The following DMD variants were observed in gnomAD, a reference collection of about 807,000 sequenced individuals.
DMD encodes mutant dystrophin.
Under a neutral mutation model 330.1 loss-of-function variants are expected in DMD, and 63 were observed. That is an observed-to-expected ratio of 0.19 (90% CI 0.16 to 0.24). The LOEUF (loss-of-function observed/expected upper bound fraction) is 0.24. Ranked by LOEUF, DMD falls within the 10% of genes least tolerant of loss-of-function variation. DMD has a pLI of 1.00. For synonymous variants in DMD, 1,223 were observed against 959.8 expected (o/e 1.27, Z -5.07); for missense variants, 3,344 against 2,684.1 (o/e 1.25, Z -5.43).
chrX:32,453,302 G>C (rs1025633463), intron 26 of DMD, among the ~76,000 whole-genome samples: 1 of 110,723 alleles, frequency 9.0e-6, no homozygotes, highest in Non-Finnish European at 1.9e-5. Context: ...AGTTTTAGTT[G>C]ATAAATATGC....
intron 44 of DMD, among the ~76,000 whole-genome samples, chrX:32,197,636 A>G (rs2097012461): frequency 8.9e-6 from 1 of 111,871 alleles, no homozygotes; most frequent in Non-Finnish European, 1.9e-5. Context: ...TTAACAGAAA[A>G]TATCTCATGG....
intron 44 of DMD, among the ~76,000 whole-genome samples, chrX:32,068,076 C>T (rs6527160): frequency 0.39 from 42,580 of 110,326 alleles, 7,088 homozygotes; most frequent in African/African-American, 0.65. Context: ...TATCTCCTTG[C>T]GGTTTTGATT....
chrX:31,358,404 G>A (rs778801269), intron 60 of DMD, among the ~76,000 whole-genome samples: 2 of 111,286 alleles, frequency 1.8e-5, no homozygotes, highest in African/African-American at 6.5e-5. Context: ...TTTCTTTCAC[G>A]AAAGCAAGAA....
chrX:31,585,184 A>G (rs5927022), intron 55 of DMD, among the ~76,000 whole-genome samples: 15,795 of 107,634 alleles, frequency 0.15, 916 homozygotes, highest in East Asian at 0.27. Context: ...TTAGCTGGAC[A>G]TGGTGGCACT....
chrX:31,352,223 T>C (rs1252481145), intron 60 of DMD, among the ~76,000 whole-genome samples: 3 of 106,818 alleles, frequency 2.8e-5, no homozygotes, highest in East Asian at 2.8e-4. Flanking sequence ...CATAAGATTA[T>C]AGAGAAAGGT....
chrX:33,268,907 CAAAAAAA>C (rs202219233), intron 1 of DMD, among the ~76,000 whole-genome samples: 552 of 43,321 alleles, frequency 0.013, 3 homozygotes, highest in East Asian at 0.025. Flanking sequence ...GCCTGGGTGA[CAAAAAAA>C]AAAAAAAAAA....
intron 61 of DMD, among the ~76,000 whole-genome samples, chrX:31,332,423 G>A (rs943776359): frequency 1.8e-5 from 2 of 111,834 alleles, no homozygotes; most frequent in African/African-American, 3.3e-5. Context: ...CTGACAGAGA[G>A]AGGAGTAGAG....
At chrX:31,514,232 A>G (rs769818086) in intron 55 of DMD, among the ~76,000 whole-genome samples, 2 of 112,084 alleles carry the variant, frequency 1.8e-5, no homozygotes, top group African/African-American at 3.2e-5. Flanking sequence ...AACGAAACAA[A>G]TAATGTGTGT....
At chrX:33,232,481 A>G (rs777996674) in intron 1 of DMD, among the ~76,000 whole-genome samples, 1 of 111,975 alleles carries the variant, frequency 8.9e-6, no homozygotes, top group East Asian at 2.8e-4. Flanking sequence ...GAGTGGGAGC[A>G]GAAAAACAAA....
chrX:32,333,813 G>C (rs188915526), intron 41 of DMD, among the ~76,000 whole-genome samples: 2 of 111,010 alleles, frequency 1.8e-5, no homozygotes, highest in East Asian at 2.8e-4. Flanking sequence ...CACATATTTT[G>C]TCCTAAAAGG....
chrX:32,545,951 A>G (rs1221030951), intron 16 of DMD, among the ~76,000 whole-genome samples: 1 of 109,670 alleles, frequency 9.1e-6, no homozygotes, highest in African/African-American at 3.3e-5. Context: ...ATGCTAAAAA[A>G]CACACTACTC....
intron 2 of DMD, among the ~76,000 whole-genome samples, chrX:32,998,270 G>A (rs2093178031): frequency 1.9e-5 from 2 of 105,040 alleles, no homozygotes; most frequent in African/African-American, 6.9e-5. Flanking sequence ...CGGGGAGGCT[G>A]AGGTGGAAGG....
chrX:32,515,693 G>T (rs1384797788), intron 18 of DMD, among the ~76,000 whole-genome samples: 2 of 111,787 alleles, frequency 1.8e-5, no homozygotes, highest in Non-Finnish European at 3.8e-5. Flanking sequence ...TAAAGCCCAA[G>T]ATTGTGTCCT....
chrX:32,782,993 G>A (rs1249374306), intron 7 of DMD, among the ~76,000 whole-genome samples: 1 of 101,629 alleles, frequency 9.8e-6, no homozygotes, highest in African/African-American at 3.6e-5. Context: ...TATGGTGTGT[G>A]TATATATACA....
At chrX:33,198,989 A>T (rs1603411705) in intron 1 of DMD, among the ~76,000 whole-genome samples, 1 of 110,909 alleles carries the variant, frequency 9.0e-6, no homozygotes, top group African/African-American at 3.3e-5. Flanking sequence ...GGGAACAAAA[A>T]GAAAGCCAGT....
At chrX:31,997,442 T>C (rs1015715507) in intron 44 of DMD, among the ~76,000 whole-genome samples, 41 of 109,004 alleles carry the variant, frequency 3.8e-4, no homozygotes, top group African/African-American at 1.4e-3. Flanking sequence ...TTTGTTTTTT[T>C]AGAGCTTCCA....
intron 41 of DMD, among the ~76,000 whole-genome samples, chrX:32,312,117 C>T (rs758183923): frequency 1.8e-5 from 2 of 111,258 alleles, no homozygotes; most frequent in South Asian, 7.4e-4. Flanking sequence ...TTATCAGGAA[C>T]AGAGTAAGTA....
At chrX:33,204,175 T>C (rs1201477566) in intron 1 of DMD, among the ~76,000 whole-genome samples, 1 of 111,728 alleles carries the variant, frequency 9.0e-6, no homozygotes, top group Non-Finnish European at 1.9e-5. Context: ...TATGTTTACA[T>C]CAGTTTTCTA....
rs142707498 is a variant in DMD at position 32,117,767 on chromosome X, G to A, written c.6438+99149C>T. 2.3e-3 allele frequency among the ~76,000 whole-genome samples: 262 copies of A among 111,678 alleles called. 1 individual carries two copies. Among genetic ancestry groups the A allele is most frequent in the African/African-American group, 8.1e-3 (250 of 30,737 alleles). On this transcript the variant is annotated intron_variant, in intron 44 of 78. Transcript: ENST00000357033. ...ACTTAGAATCTAAGAAAGTGCCTTC[G>A]GTGGAGAAAATATTTAACCAATAGG...
Sources: allele counts gnomAD v4.1 joint callset (sites outside exome capture counted in the v4.1 genomes callset), GRCh38; gene constraint gnomAD v4.1.1; transcripts MANE v1.5; gene names NCBI Gene and HGNC (gene_info 2026-07-23, HGNC 2026-07-21).